WASF1: variants seen among roughly 807,000 people sequenced by gnomAD.
WASF1 encodes WASP family member 1.
In WASF1, 7 loss-of-function variants were observed where a neutral mutation model predicts 50.5. The ratio of observed to expected loss-of-function variants is 0.14; its 90% CI spans 0.08 to 0.26. The LOEUF (loss-of-function observed/expected upper bound fraction) is 0.26, where lower values mean the gene tolerates loss of function less well. Among genes scored for constraint, WASF1 ranks in the 10% least tolerant of loss-of-function variants. The pLI, the probability that WASF1 is intolerant of heterozygous loss-of-function variation, is 1.00. For synonymous variants in WASF1, 205 were observed against 244.0 expected, an observed-to-expected ratio of 0.84 and a Z score of 1.49; for missense variants, 470 against 694.7, an observed-to-expected ratio of 0.68 and a Z score of 3.64.
chr6:110,105,317 A>T, intron 8 of WASF1, 90 bp downstream of exon 8: 1 of 1,303,306 alleles, frequency 7.7e-7, no homozygotes, highest in Non-Finnish European at 1.0e-6. Context: ...CTGCCTGTTC[A>T]ACAGTTTAGG....
intron 4 of WASF1, among the ~76,000 whole-genome samples, chr6:110,124,216 T>TCTCCTC (rs1367926644): frequency 3.1e-5 from 2 of 63,542 alleles, no homozygotes; most frequent in African/African-American, 8.6e-5. Context: ...TCTCTCTCTC[T>TCTCCTC]CCTCTCTCTC....
At chr6:110,135,215 A>C (rs1242380654) in intron 3 of WASF1, among the ~76,000 whole-genome samples, 1 of 152,216 alleles carries the variant, frequency 6.6e-6, no homozygotes, top group African/African-American at 2.4e-5. Context: ...TGTGTATATT[A>C]ATTTTGTATC....
chr6:110,133,576 G>T (rs1228903067), intron 3 of WASF1, among the ~76,000 whole-genome samples: 1 of 151,948 alleles, frequency 6.6e-6, no homozygotes, highest in Non-Finnish European at 1.5e-5. Flanking sequence ...TTTTTATTAT[G>T]GCCATTCTTG....
At chr6:110,115,237 T>A (rs1426444118) in intron 4 of WASF1, among the ~76,000 whole-genome samples, 3 of 150,684 alleles carry the variant, frequency 2.0e-5, no homozygotes, top group African/African-American at 7.3e-5. Context: ...ACAGAGGACA[T>A]TTATTAGTAA....
At chr6:110,172,685 A>G (rs1776768695) in intron 2 of WASF1, among the ~76,000 whole-genome samples, 1 of 152,306 alleles carries the variant, frequency 6.6e-6, no homozygotes, top group Non-Finnish European at 1.5e-5. Context: ...TCAGAAACAG[A>G]AAGTCAAATA....
At chr6:110,168,299 T>C (rs1776559070) in intron 2 of WASF1, among the ~76,000 whole-genome samples, 1 of 152,062 alleles carries the variant, frequency 6.6e-6, no homozygotes, top group African/African-American at 2.4e-5. Flanking sequence ...AGTATAGCAT[T>C]ACCAAAAAAT....
intron 3 of WASF1, among the ~76,000 whole-genome samples, chr6:110,137,256 C>T (rs574392374): frequency 2.6e-5 from 4 of 152,228 alleles, no homozygotes; most frequent in East Asian, 1.9e-4. Flanking sequence ...ATATTTTCCC[C>T]TTCAAATCTA....
intron 5 of WASF1, among the ~76,000 whole-genome samples, chr6:110,112,497 C>T (rs1773602876): frequency 6.6e-6 from 1 of 152,168 alleles, no homozygotes; most frequent in African/African-American, 2.4e-5. Flanking sequence ...AGAATGTTTA[C>T]ACCCTACATA....
intron 2 of WASF1, among the ~76,000 whole-genome samples, chr6:110,164,610 T>C (rs1415347474): frequency 1.3e-5 from 2 of 151,692 alleles, no homozygotes; most frequent in East Asian, 1.9e-4. Flanking sequence ...TTCGCTGCTA[T>C]TGAGAATGCA....
intron 2 of WASF1, among the ~76,000 whole-genome samples, chr6:110,161,738 T>A (rs561566625): frequency 1.3e-5 from 2 of 151,694 alleles, no homozygotes; most frequent in African/African-American, 4.8e-5. Flanking sequence ...ATGTTTACAT[T>A]CCAGATTTCT....
chr6:110,101,443 G>A (rs1296522665), intron 10 of WASF1, 145 bp downstream of exon 10: 8 of 955,420 alleles, frequency 8.4e-6, no homozygotes, highest in Non-Finnish European at 1.2e-5. Context: ...ATATAAGTTG[G>A]ATATAGCTTT....
intron 2 of WASF1, among the ~76,000 whole-genome samples, chr6:110,169,325 C>G (rs1776597837): frequency 6.6e-6 from 1 of 152,074 alleles, no homozygotes; most frequent in Admixed American, 6.6e-5. Context: ...AATTCATTAT[C>G]CATCATTCCC....
chr6:110,130,431 T>C (rs1320088325), intron 3 of WASF1, among the ~76,000 whole-genome samples: 4 of 152,212 alleles, frequency 2.6e-5, no homozygotes, highest in Admixed American at 2.0e-4. Flanking sequence ...CATAGGCAAC[T>C]TTAAACACTA....
intron 3 of WASF1, among the ~76,000 whole-genome samples, chr6:110,138,795 C>T (rs576063844): frequency 5.9e-5 from 9 of 152,270 alleles, no homozygotes; most frequent in African/African-American, 1.9e-4. Context: ...GGTCCATAGG[C>T]GGCCATGGGT....
rs976505888 is a variant in WASF1 at position 110,099,912 on chromosome 6, A to G, written c.*610T>C. The stretch of plus-strand genomic sequence containing the variant: ...TTTAAGTCAGAGTATTTCACATGGA[A>G]AAGTTTTTAACTCCTATAGGCAAGC... On this transcript the variant is annotated 3_prime_UTR_variant, in exon 11 of 11. Transcript: ENST00000392589. The G allele has an allele frequency of 6.6e-6, 1 of 152,650 alleles. No homozygotes were observed. Among genetic ancestry groups the G allele is most frequent in the Admixed American group, 6.5e-5 (1 of 15,280 alleles). 9.5% of individuals were successfully genotyped at this position (152,650 alleles called of 1,614,324 possible). A position where few individuals can be genotyped will look rare whatever the true frequency, so the allele number is the denominator to read the frequency against.
intron 2 of WASF1, among the ~76,000 whole-genome samples, chr6:110,167,596 T>C (rs1776532333): frequency 6.6e-6 from 1 of 152,054 alleles, no homozygotes; most frequent in African/African-American, 2.4e-5. Flanking sequence ...CTCTTATTTT[T>C]ATCTAAGCTC....
rs374446191 is a variant in WASF1, at chr6:110,103,342, C to T, written c.893+36G>A. 1.1e-5 allele frequency: 18 copies of T among 1,593,980 alleles called. No individual in the cohort carries two copies. In the South Asian group the frequency reaches 1.8e-4, roughly 16 times the overall value. On this transcript the variant is annotated intron_variant, in intron 9 of 10. Transcript: ENST00000392589. ...CCTTGAAAGAAAAAGCTTACTGACT[C>T]CTAAGATAAAACATCATATGCTTGT...
intron 2 of WASF1, among the ~76,000 whole-genome samples, chr6:110,166,137 G>A (rs1776468419): frequency 6.6e-6 from 1 of 151,082 alleles, no homozygotes; most frequent in African/African-American, 2.4e-5. Flanking sequence ...ATTATTTAGG[G>A]AATAAAGGAA....
intron 3 of WASF1, among the ~76,000 whole-genome samples, chr6:110,145,583 A>G (rs1775517770): frequency 1.3e-5 from 2 of 152,076 alleles, no homozygotes; most frequent in Admixed American, 6.6e-5. Context: ...TCAGTATGAT[A>G]TTGGCTGTGG....
Sources: allele counts gnomAD v4.1 joint callset (sites outside exome capture counted in the v4.1 genomes callset), GRCh38; gene constraint gnomAD v4.1.1; transcripts MANE v1.5; gene names NCBI Gene and HGNC (gene_info 2026-07-23, HGNC 2026-07-21).